Variants in FAM241A observed in about 807,000 individuals in gnomAD.
FAM241A encodes the protein uncharacterized protein FAM241A.
A neutral mutation model predicts 12.2 loss-of-function variants in FAM241A; 7 were observed. The ratio of observed to expected loss-of-function variants is 0.58; its 90% CI spans 0.33 to 1.08. The LOEUF (loss-of-function observed/expected upper bound fraction) is 1.08. FAM241A is among the 50% of genes least tolerant of loss of function. FAM241A has a pLI of 0.04. For missense variants in FAM241A, 161 were observed against 169.7 expected, an observed-to-expected ratio of 0.95 and a Z score of 0.29; for synonymous variants, 74 against 68.2, an observed-to-expected ratio of 1.08 and a Z score of -0.42.
rs1257904791 is a variant in FAM241A at position 112,148,860 on chromosome 4, A to G, written c.153+3127A>G. On this transcript the variant is annotated intron_variant, in intron 1 of 1. Coordinates refer to ENST00000309733, the MANE Select transcript of FAM241A (RefSeq NM_152400.3). ...ATTATATGCCTTAAATGTCAATAGC[A>G]TCTGCTTAGATGTGGCACAATGTAC... Among the ~76,000 whole-genome samples the G allele has an allele frequency of 9.2e-5, 14 of 152,220 alleles. 1 individual carries two copies. The South Asian group carries it at 2.9e-3, about 31-fold the overall frequency.
At chr4:112,164,263 T>A (rs1723545602) in intron 1 of FAM241A, among the ~76,000 whole-genome samples, 1 of 149,868 alleles carries the variant, frequency 6.7e-6, no homozygotes, top group African/African-American at 2.5e-5. Context: ...TAAAATATAA[T>A]TTTTTTAAAA....
At chr4:112,152,740 G>A (rs1339619705) in intron 1 of FAM241A, among the ~76,000 whole-genome samples, 1 of 152,074 alleles carries the variant, frequency 6.6e-6, no homozygotes, top group Non-Finnish European at 1.5e-5. Context: ...TGAGCATTAT[G>A]AAACAATGAA....
rs973284676 is a variant in FAM241A at position 112,161,547 on chromosome 4, C to G, written c.153+15814C>G. Among the ~76,000 whole-genome samples, 3 of 152,100 alleles carry G rather than the reference C, an allele frequency of 2.0e-5. No individual in the cohort carries two copies. In the East Asian group the frequency reaches 5.8e-4, roughly 29 times the overall value. On this transcript the variant is annotated intron_variant, in intron 1 of 1. Coordinates refer to ENST00000309733, the MANE Select transcript of FAM241A (RefSeq NM_152400.3). ...CTATAAACACCACTACGCAAGTAAA[C>G]TAGAAAATCTAGAAGAAACGGATAA...
At chr4:112,166,776 G>A (rs952377113) in intron 1 of FAM241A, among the ~76,000 whole-genome samples, 1 of 152,104 alleles carries the variant, frequency 6.6e-6, no homozygotes, top group African/African-American at 2.4e-5. Context: ...ATAAGCAAAG[G>A]AAGATGGAAA....
At chr4:112,157,408 C>T (rs1358383332) in intron 1 of FAM241A, among the ~76,000 whole-genome samples, 2 of 152,112 alleles carry the variant, frequency 1.3e-5, no homozygotes, top group Admixed American at 6.5e-5. Context: ...GCCATAGAGA[C>T]ACCCAGAAAT....
Position 112,195,100 on chromosome 4 carries a change from A to G in FAM241A, c.*8162A>G, listed in dbSNP as rs1038684910. ...ATTTTAATTTTTACAAAAAACTCTT[A>G]AACTTTTTTGTGAGCAGAAATTCTC... is the stretch of plus-strand genomic sequence containing the variant. On this transcript the variant is annotated 3_prime_UTR_variant, in exon 2 of 2. Transcript: ENST00000309733. The G allele has an allele frequency of 6.6e-6, 1 of 152,234 alleles. No homozygotes were observed. Among genetic ancestry groups the G allele is most frequent in the East Asian group, 1.9e-4 (1 of 5,198 alleles). The allele number at this position is 152,234 out of a possible 1,614,324, so 9.4% of individuals were successfully genotyped here. A position where few individuals can be genotyped will look rare whatever the true frequency, so the allele number is the denominator to read the frequency against.
In FAM241A at chr4:112,193,697, A is replaced by C. The variant is rs1310401742; in HGVS notation, c.*6759A>C. 3 of 152,148 alleles carry C rather than the reference A, an allele frequency of 2.0e-5. No homozygotes were observed. The highest frequency in any genetic ancestry group is 2.9e-5 in the Non-Finnish European group (2 of 68,054). The allele number at this position is 152,148 out of a possible 1,614,324, so 9.4% of individuals were successfully genotyped here. A position where few individuals can be genotyped will look rare whatever the true frequency, so the allele number is the denominator to read the frequency against. ...ATTTCTGAGGGCTCTTTTGTGTTCC[A>C]TTGATCTATATCTCTGTTTTGGTAC... On this transcript the variant is annotated 3_prime_UTR_variant, in exon 2 of 2. Transcript: ENST00000309733.
intron 1 of FAM241A, among the ~76,000 whole-genome samples, chr4:112,180,425 G>A (rs1345811189): frequency 1.3e-5 from 2 of 152,034 alleles, no homozygotes; most frequent in Non-Finnish European, 2.9e-5. Context: ...CCCTAATTTT[G>A]TGTCCTCTTT....
At chr4:112,150,786 G>GT (rs1219841490) in intron 1 of FAM241A, among the ~76,000 whole-genome samples, 1 of 152,194 alleles carries the variant, frequency 6.6e-6, no homozygotes, top group Non-Finnish European at 1.5e-5. Flanking sequence ...CTGGGCTGCA[G>GT]TTTCTGCATC....
At chr4:112,185,755 A>G (rs1007318231) in intron 1 of FAM241A, among the ~76,000 whole-genome samples, 3 of 152,182 alleles carry the variant, frequency 2.0e-5, no homozygotes, top group Non-Finnish European at 4.4e-5. Context: ...AAGAAGGCAC[A>G]TTGAGATTGG....
intron 1 of FAM241A, among the ~76,000 whole-genome samples, chr4:112,146,146 C>G (rs1332953846): frequency 2.0e-5 from 3 of 152,176 alleles, no homozygotes; most frequent in African/African-American, 7.2e-5. Context: ...CGGCTCCCCT[C>G]CCGCCCTCCA....
At chr4:112,148,464 A>C (rs928984474) in intron 1 of FAM241A, among the ~76,000 whole-genome samples, 1 of 152,178 alleles carries the variant, frequency 6.6e-6, no homozygotes, top group South Asian at 2.1e-4. Flanking sequence ...TTGAGCAAAA[A>C]ATGAAGGTTC....
At chr4:112,163,861 A>T (rs1162065108) in intron 1 of FAM241A, among the ~76,000 whole-genome samples, 1 of 152,006 alleles carries the variant, frequency 6.6e-6, no homozygotes, top group Non-Finnish European at 1.5e-5. Flanking sequence ...CTTGGTGCCA[A>T]CCCAAGTGTC....
chr4:112,190,560 G>A lies in FAM241A; in HGVS notation c.*3622G>A, dbSNP rs60812306. 13,350 of 150,748 alleles carry A rather than the reference G, an allele frequency of 0.089. 708 individuals carry two copies. The highest frequency in any genetic ancestry group is 0.13 in the South Asian group (623 of 4,760). The allele number at this position is 150,748 out of a possible 1,614,324, so 9.3% of individuals were successfully genotyped here. A position where few individuals can be genotyped will look rare whatever the true frequency, so the allele number is the denominator to read the frequency against. ...AAAAAAAATACAAAATTAGCTAGGC[G>A]TGGTGGTGCATGCCTGTAATCTCAG... On this transcript the variant is annotated 3_prime_UTR_variant, in exon 2 of 2. Transcript: ENST00000309733.
At chr4:112,147,356 C>G (rs1245773512) in intron 1 of FAM241A, among the ~76,000 whole-genome samples, 1 of 152,122 alleles carries the variant, frequency 6.6e-6, no homozygotes, top group Non-Finnish European at 1.5e-5. Flanking sequence ...TTCTAAGCCC[C>G]CATACACAAT....
chr4:112,184,762 C>G (rs1482992423), intron 1 of FAM241A, among the ~76,000 whole-genome samples: 2 of 151,848 alleles, frequency 1.3e-5, no homozygotes, highest in African/African-American at 4.8e-5. Context: ...TTTTTTTTCA[C>G]TCTTCCCTTA....
rs554205694 is a variant in FAM241A, at chr4:112,158,115, TTTA to T, written c.153+12390_153+12392del. On this transcript the variant is annotated intron_variant, in intron 1 of 1. Coordinates refer to ENST00000309733, the MANE Select transcript of FAM241A (RefSeq NM_152400.3). Reference sequence around the variant, plus strand: ...TCCTTCATTATTTATTTTATTATAATTTATTATTATGGTTTATTTAACAGTAAT... The same window carrying T: ...TCCTTCATTATTTATTTTATTATAATTTATTATGGTTTATTTAACAGTAAT... Among the ~76,000 whole-genome samples, 6 of 152,132 alleles carry T rather than the reference TTTA, an allele frequency of 3.9e-5. No homozygotes were observed. In the East Asian group the frequency reaches 9.6e-4, roughly 24 times the overall value.
intron 1 of FAM241A, chr4:112,171,336 T>C (rs928008588): frequency 2.7e-6 from 2 of 754,006 alleles, no homozygotes; most frequent in Admixed American, 3.4e-5. Flanking sequence ...AAAGCGGTGT[T>C]ACGACAAGAA....
At chr4:112,160,849 T>A (rs1723449536) in intron 1 of FAM241A, among the ~76,000 whole-genome samples, 1 of 152,166 alleles carries the variant, frequency 6.6e-6, no homozygotes, top group African/African-American at 2.4e-5. Context: ...AAAAACTGGA[T>A]ATCCATATGC....
Sources: allele counts gnomAD v4.1 joint callset (sites outside exome capture counted in the v4.1 genomes callset), GRCh38; gene constraint gnomAD v4.1.1; transcripts MANE v1.5; gene names NCBI Gene and HGNC (gene_info 2026-07-23, HGNC 2026-07-21).